The following DLC1 variants were observed in gnomAD, a reference collection of about 807,000 sequenced individuals.
DLC1 encodes the protein DLC1 Rho GTPase activating protein, also known as rho GTPase-activating protein 7.
Under a neutral mutation model 140.3 loss-of-function variants are expected in DLC1, and 54 were observed. The ratio of observed to expected loss-of-function variants is 0.38; its 90% CI spans 0.31 to 0.48. DLC1 has a LOEUF of 0.48. DLC1 is among the 20% of genes least tolerant of loss of function. DLC1 has a pLI of 0.96. For synonymous variants in DLC1, 986 were observed against 728.1 expected (o/e 1.35, Z -5.70); for missense variants, 2,536 against 1,907.0 (o/e 1.33, Z -6.14).
intron 5 of DLC1, among the ~76,000 whole-genome samples, chr8:13,219,698 A>C (rs1454868938): frequency 6.6e-6 from 1 of 151,968 alleles, no homozygotes; most frequent in Non-Finnish European, 1.5e-5. Context: ...AAAATAAAAT[A>C]TGGGTCTTCA....
At chr8:13,463,178 G>C (rs550151514) in intron 2 of DLC1, among the ~76,000 whole-genome samples, 1 of 151,908 alleles carries the variant, frequency 6.6e-6, no homozygotes, top group South Asian at 2.1e-4. Flanking sequence ...CTACACAACA[G>C]ACTTACCTAT....
chr8:13,231,849 T>G (rs1585966643), intron 5 of DLC1, among the ~76,000 whole-genome samples: 1 of 152,346 alleles, frequency 6.6e-6, no homozygotes, highest in Non-Finnish European at 1.5e-5. Flanking sequence ...AACCATCGTT[T>G]CTTGTATGTA....
chr8:13,323,976 C>T (rs1044428769), intron 4 of DLC1, among the ~76,000 whole-genome samples: 4 of 152,180 alleles, frequency 2.6e-5, no homozygotes, highest in Non-Finnish European at 5.9e-5. Context: ...AATGTGTCCC[C>T]ATGTCCTTAA....
At chr8:13,094,706 G>A in intron 12 of DLC1, 53 bp downstream of exon 12, 3 of 1,604,530 alleles carry the variant, frequency 1.9e-6, no homozygotes, top group Non-Finnish European at 2.6e-6. Flanking sequence ...ACAAGCTTCA[G>A]TTGGTCCCAT....
chr8:13,322,382 T>C (rs1671393), intron 4 of DLC1, among the ~76,000 whole-genome samples: 54,212 of 151,958 alleles, frequency 0.36, 9,695 homozygotes, highest in East Asian at 0.44. Flanking sequence ...GCAAGTATGA[T>C]AGTATTTATA....
chr8:13,510,864 C>T (rs1029796642), intron 1 of DLC1, among the ~76,000 whole-genome samples: 1 of 152,164 alleles, frequency 6.6e-6, no homozygotes, highest in African/African-American at 2.4e-5. Flanking sequence ...CTCTTTCCAA[C>T]CTCTTATTTT....
At chr8:13,390,758 C>T (rs571727885) in intron 4 of DLC1, among the ~76,000 whole-genome samples, 4 of 152,018 alleles carry the variant, frequency 2.6e-5, no homozygotes, top group African/African-American at 4.8e-5. Context: ...GAGGCCGAGG[C>T]GGGTGGATCA....
In DLC1 at chr8:13,316,499, A is replaced by G. The variant is rs189652826; in HGVS notation, c.1315-11197T>C. Reference sequence around the variant, plus strand: ...AGTGTCCCAGTCTGGATGATAATTTATATGAGAACGCTTTATATGGATTCC... The same window carrying G: ...AGTGTCCCAGTCTGGATGATAATTTGTATGAGAACGCTTTATATGGATTCC... On this transcript the variant is annotated intron_variant, in intron 4 of 17. Transcript: ENST00000276297. Among the ~76,000 whole-genome samples, 532 of 152,268 alleles carry G rather than the reference A, an allele frequency of 3.5e-3. 4 individuals are homozygous for G. Among genetic ancestry groups the G allele is most frequent in the African/African-American group, 0.012 (497 of 41,536 alleles).
At position 13,118,004 on chromosome 8, in the gene DLC1, CTTTTTTTT is replaced by C. The variant is rs35775672; in HGVS notation, c.1349-2355_1349-2348del. 1.8e-3 allele frequency among the ~76,000 whole-genome samples: 210 copies of C among 114,942 alleles called. 1 individual carries two copies. Among genetic ancestry groups the C allele is most frequent in the Admixed American group, 6.8e-3 (77 of 11,294 alleles). 75.4% of individuals were successfully genotyped at this position (114,942 alleles called of 152,430 possible). ...ATATTCCTGTCTTCTTGTTCTCTTT[CTTTTTTTT>C]TTTTTTTTTTTTTTTGAGACAGAGT... On this transcript the variant is annotated intron_variant, in intron 5 of 17. Coordinates refer to ENST00000276297, the MANE Select transcript of DLC1 (RefSeq NM_182643.3).
At chr8:13,117,656 T>C (rs1045653092) in intron 5 of DLC1, among the ~76,000 whole-genome samples, 1 of 152,260 alleles carries the variant, frequency 6.6e-6, no homozygotes, top group Non-Finnish European at 1.5e-5. Context: ...GAACAATAGA[T>C]TGTTAAAAAG....
At chr8:13,243,776 G>T (rs1242232915) in intron 5 of DLC1, among the ~76,000 whole-genome samples, 1 of 152,210 alleles carries the variant, frequency 6.6e-6, no homozygotes, top group African/African-American at 2.4e-5. Context: ...AGCAACATCT[G>T]CATTCCAAGG....
intron 4 of DLC1, among the ~76,000 whole-genome samples, chr8:13,391,359 A>T (rs1191238478): frequency 6.6e-6 from 1 of 152,198 alleles, no homozygotes; most frequent in African/African-American, 2.4e-5. Flanking sequence ...GTCACACCTG[A>T]ACAGCTGGAT....
chr8:13,202,148 G>A (rs1827424308), intron 5 of DLC1, among the ~76,000 whole-genome samples: 1 of 152,018 alleles, frequency 6.6e-6, no homozygotes, highest in African/African-American at 2.4e-5. Context: ...GTTTCACCAT[G>A]TCGGCCAGGA....
chr8:13,115,685 T>C (rs372263314), intron 5 of DLC1, 28 bp from the exon 6 acceptor site: 4 of 1,609,634 alleles, frequency 2.5e-6, no homozygotes. Context: ...AAAGACAAAA[T>C]TAGCCATGTG....
At chr8:13,098,237 A>G (rs150979675) in intron 10 of DLC1, among the ~76,000 whole-genome samples, 162 bp downstream of exon 10, 10 of 152,192 alleles carry the variant, frequency 6.6e-5, no homozygotes, top group African/African-American at 2.2e-4. Flanking sequence ...CTCAAAACAA[A>G]CAAACAAACA....
At chr8:13,353,389 C>T (rs984399391) in intron 4 of DLC1, 1 of 152,128 alleles carries the variant, frequency 6.6e-6, no homozygotes, top group Non-Finnish European at 1.5e-5. Context: ...CTTAAAACAA[C>T]AACAGGCCAG....
intron 4 of DLC1, among the ~76,000 whole-genome samples, chr8:13,375,455 C>G (rs1835932155): frequency 6.6e-6 from 1 of 152,196 alleles, no homozygotes; most frequent in African/African-American, 2.4e-5. Flanking sequence ...CATCTGCAAA[C>G]AGGGACAATT....
chr8:13,548,522 A>G (rs1301379525), intron 1 of DLC1, among the ~76,000 whole-genome samples: 1 of 152,074 alleles, frequency 6.6e-6, no homozygotes, highest in African/African-American at 2.4e-5. Context: ...GAATAAAGCT[A>G]CAAGGAATAT....
At chr8:13,506,313 A>C (rs1041571842) in intron 1 of DLC1, among the ~76,000 whole-genome samples, 4 of 152,136 alleles carry the variant, frequency 2.6e-5, no homozygotes, top group Non-Finnish European at 5.9e-5. Flanking sequence ...ATATAAATAA[A>C]TGAACACATG....
Sources: gnomAD v4.1 joint callset for allele counts (sites outside exome capture counted in the v4.1 genomes callset) on GRCh38, gnomAD v4.1.1 for gene constraint, MANE v1.5 for transcripts, NCBI Gene and HGNC (gene_info 2026-07-23, HGNC 2026-07-21) for gene names.